Variants in MTUS2 observed in about 807,000 individuals in gnomAD.
The protein encoded by MTUS2 is microtubule associated scaffold protein 2.
MTUS2 carries 40 observed loss-of-function variants against 114.1 expected under a neutral mutation model. The observed-to-expected ratio is 0.35, with a 90% confidence interval of 0.27 to 0.46. The LOEUF (loss-of-function observed/expected upper bound fraction) is 0.46. Ranked by LOEUF, MTUS2 falls within the 20% of genes least tolerant of loss-of-function variation. The pLI is 1.00. For missense variants in MTUS2, 1,679 were observed against 1,705.4 expected (o/e 0.98, Z 0.27); for synonymous variants, 688 against 672.0 (o/e 1.02, Z -0.37).
chr13:29,399,962 A>G (rs1475966086), intron 8 of MTUS2, among the ~76,000 whole-genome samples: 2 of 152,248 alleles, frequency 1.3e-5, no homozygotes, highest in African/African-American at 4.8e-5. Context: ...TGAAAGACAA[A>G]AAGAAGGCTT....
chr13:29,175,019 T>C (rs573539262), intron 5 of MTUS2, among the ~76,000 whole-genome samples: 1 of 152,304 alleles, frequency 6.6e-6, no homozygotes, highest in African/African-American at 2.4e-5. Context: ...ATCAAATGAA[T>C]AGCTTGAATC....
At chr13:29,345,714 G>A (rs1173527274) in intron 7 of MTUS2, among the ~76,000 whole-genome samples, 1 of 152,014 alleles carries the variant, frequency 6.6e-6, no homozygotes, top group Non-Finnish European at 1.5e-5. Context: ...ATCTCTTGGG[G>A]ATGTTAAAGA....
chr13:28,977,832 T>TAGAAA (rs1884185462), intron 2 of MTUS2, among the ~76,000 whole-genome samples: 1 of 152,216 alleles, frequency 6.6e-6, no homozygotes, highest in Non-Finnish European at 1.5e-5. Context: ...TTAACTCACC[T>TAGAAA]AGAAAATCAT....
chr13:28,874,040 A>T (rs979198846), intron 2 of MTUS2, among the ~76,000 whole-genome samples: 2 of 152,064 alleles, frequency 1.3e-5, no homozygotes, highest in African/African-American at 4.8e-5. Context: ...TTTTTTTGAG[A>T]TGGAGTCTCG....
intron 5 of MTUS2, among the ~76,000 whole-genome samples, chr13:29,195,933 A>G (rs994319150): frequency 3.9e-5 from 6 of 152,096 alleles, no homozygotes; most frequent in Admixed American, 2.6e-4. Context: ...CCTGCTGTGG[A>G]GCCTGAAGCA....
chr13:28,878,688 T>C (rs920588620), intron 2 of MTUS2, among the ~76,000 whole-genome samples: 32 of 152,222 alleles, frequency 2.1e-4, no homozygotes, highest in African/African-American at 7.2e-4. Flanking sequence ...TGCATAGTAT[T>C]CTATGGTGTA....
At chr13:29,303,301 A>C (rs1899290937) in intron 6 of MTUS2, among the ~76,000 whole-genome samples, 1 of 152,218 alleles carries the variant, frequency 6.6e-6, no homozygotes, top group Non-Finnish European at 1.5e-5. Flanking sequence ...GCTGAGGCTA[A>C]GATGGCTGAA....
chr13:28,909,287 G>T (rs1880251730), intron 2 of MTUS2, among the ~76,000 whole-genome samples: 1 of 151,646 alleles, frequency 6.6e-6, no homozygotes, highest in Non-Finnish European at 1.5e-5. Context: ...GGGCAGTATG[G>T]CCATTTTCAC....
chr13:29,053,479 G>C lies in MTUS2; in HGVS notation c.2446+19354G>C, dbSNP rs190372167. Among the ~76,000 whole-genome samples, 393 of 152,248 alleles carry C rather than the reference G, an allele frequency of 2.6e-3. 2 individuals carry two copies. The highest frequency in any genetic ancestry group is 8.4e-3 in the African/African-American group (349 of 41,528). On this transcript the variant is annotated intron_variant, in intron 4 of 15. Coordinates refer to ENST00000612955, the MANE Select transcript of MTUS2 (RefSeq NM_001033602.4). ...AAATAGGAAGGTTCCAGTTTGGGGA[G>C]GTTTGCAAGTTAAGGTCAAACCTAG...
intron 5 of MTUS2, among the ~76,000 whole-genome samples, chr13:29,104,474 G>A (rs978932618): frequency 6.6e-6 from 1 of 152,204 alleles, no homozygotes; most frequent in Non-Finnish European, 1.5e-5. Context: ...GGCTTCCCAG[G>A]TTGTCAGCCA....
At chr13:29,418,335 A>C (rs945319983) in intron 8 of MTUS2, among the ~76,000 whole-genome samples, 3 of 152,106 alleles carry the variant, frequency 2.0e-5, no homozygotes, top group Non-Finnish European at 4.4e-5. Flanking sequence ...CTTCCCCTTC[A>C]TTCAAAGGGT....
chr13:29,186,497 C>T lies in MTUS2; in HGVS notation c.2644+85527C>T, dbSNP rs572173859. 1.2e-4 allele frequency among the ~76,000 whole-genome samples: 18 copies of T among 152,156 alleles called. No individual in the cohort carries two copies. In the South Asian group the frequency reaches 3.7e-3, roughly 32 times the overall value. On this transcript the variant is annotated intron_variant, in intron 5 of 15. Coordinates refer to ENST00000612955, the MANE Select transcript of MTUS2 (RefSeq NM_001033602.4). ...TTAATGTGGTCATATTAATGTCAGACAAAATAGACTTTAAGGCAACAATTA... is the reference window on the plus strand; with the variant it reads ...TTAATGTGGTCATATTAATGTCAGATAAAATAGACTTTAAGGCAACAATTA...
chr13:29,210,560 T>C (rs1308588705), intron 5 of MTUS2, among the ~76,000 whole-genome samples: 1 of 152,178 alleles, frequency 6.6e-6, no homozygotes, highest in Non-Finnish European at 1.5e-5. Context: ...GTACCCTATG[T>C]CAGAGGGAAG....
chr13:28,997,066 A>G (rs1593367671), intron 2 of MTUS2, among the ~76,000 whole-genome samples: 1 of 152,146 alleles, frequency 6.6e-6, no homozygotes, highest in African/African-American at 2.4e-5. Context: ...ACTGCTTTGA[A>G]TGTGTCCCAG....
chr13:29,320,591 A>G (rs1900213015), intron 6 of MTUS2, among the ~76,000 whole-genome samples: 1 of 152,206 alleles, frequency 6.6e-6, no homozygotes, highest in African/African-American at 2.4e-5. Flanking sequence ...CTGGCAGAGG[A>G]CAGGAGATCC....
chr13:29,425,422 A>AACAT (rs1344844321), intron 8 of MTUS2, among the ~76,000 whole-genome samples: 6 of 151,978 alleles, frequency 3.9e-5, no homozygotes, highest in Non-Finnish European at 7.3e-5. Context: ...CAAACAAACA[A>AACAT]ACATACAAAA....
rs527678436 is a variant in MTUS2, at chr13:29,218,916, T to C, written c.2645-62788T>C. ...GGATTTTCACAAAGGTAAATGAACATTGGCGTTAACTTAAAGTTTCCAATT... is the reference window on the plus strand; with the variant it reads ...GGATTTTCACAAAGGTAAATGAACACTGGCGTTAACTTAAAGTTTCCAATT... On this transcript the variant is annotated intron_variant, in intron 5 of 15. Transcript: ENST00000612955. Among the ~76,000 whole-genome samples, 10 of 152,208 alleles carry C rather than the reference T, an allele frequency of 6.6e-5. No homozygotes were observed. In the East Asian group the frequency reaches 1.7e-3, roughly 26 times the overall value.
chr13:29,448,560 G>GA (rs759130749), intron 9 of MTUS2, among the ~76,000 whole-genome samples: 2 of 151,222 alleles, frequency 1.3e-5, no homozygotes, highest in African/African-American at 4.9e-5. Flanking sequence ...AGTACTGCTG[G>GA]ACAAAGCTGC....
rs1872577413 is a variant in MTUS2, at chr13:29,385,575, C to T, written c.3117+26102C>T. On this transcript the variant is annotated intron_variant, in intron 8 of 15. Coordinates refer to ENST00000612955, the MANE Select transcript of MTUS2 (RefSeq NM_001033602.4). ...ATCCAATCCATCCTTGGCAGTTGCCCCATATTCCCCAGTCTGAAGTCTCTA... is the reference window on the plus strand; with the variant it reads ...ATCCAATCCATCCTTGGCAGTTGCCTCATATTCCCCAGTCTGAAGTCTCTA... 2.0e-5 allele frequency among the ~76,000 whole-genome samples: 3 copies of T among 152,274 alleles called. No individual in the cohort carries two copies. The South Asian group carries it at 6.2e-4, about 32-fold the overall frequency.
Sources: gnomAD v4.1 joint callset for allele counts (sites outside exome capture counted in the v4.1 genomes callset) on GRCh38, gnomAD v4.1.1 for gene constraint, MANE v1.5 for transcripts, NCBI Gene and HGNC (gene_info 2026-07-23, HGNC 2026-07-21) for gene names.